Variants in GABRA2 observed in about 807,000 individuals in gnomAD.
The protein encoded by GABRA2 is gamma-aminobutyric acid receptor subunit alpha-2.
In GABRA2, 16 loss-of-function variants were observed where a neutral mutation model predicts 48.7. The observed-to-expected ratio is 0.33, with a 90% CI of 0.22 to 0.50. GABRA2 has a LOEUF of 0.50. GABRA2 is among the 20% of genes least tolerant of loss of function. GABRA2 has a pLI of 0.98. For missense variants in GABRA2, 275 were observed against 535.6 expected (o/e 0.51, Z 4.80); for synonymous variants, 185 against 184.5 (o/e 1.00, Z -0.02).
chr4:46,291,776 C>CACACATATATATATAT (rs1553906974), intron 8 of GABRA2, among the ~76,000 whole-genome samples: 3 of 144,754 alleles, frequency 2.1e-5, no homozygotes, highest in African/African-American at 7.7e-5. Context: ...TAAACACACA[C>CACACATATATATATAT]ATATATATAT....
intron 4 of GABRA2, among the ~76,000 whole-genome samples, chr4:46,327,504 T>G (rs1220066833): frequency 6.6e-6 from 1 of 151,970 alleles, no homozygotes; most frequent in Non-Finnish European, 1.5e-5. Flanking sequence ...GGAGTAAACA[T>G]CATTAATTTA....
intron 3 of GABRA2, among the ~76,000 whole-genome samples, chr4:46,377,857 TG>T (rs1276691023): frequency 4.5e-5 from 4 of 89,438 alleles, no homozygotes; most frequent in South Asian, 4.0e-4. Flanking sequence ...GGGAGGGAGG[TG>T]GGGGGGTCAG....
intron 8 of GABRA2, among the ~76,000 whole-genome samples, chr4:46,283,641 C>T (rs193218370): frequency 6.1e-4 from 93 of 152,276 alleles, no homozygotes; most frequent in African/African-American, 2.2e-3. Flanking sequence ...AAAGAAGTAG[C>T]TAATGTCTTC....
intron 3 of GABRA2, among the ~76,000 whole-genome samples, chr4:46,359,573 C>G (rs1360771902): frequency 3.3e-5 from 5 of 151,980 alleles, no homozygotes; most frequent in Non-Finnish European, 7.4e-5. Context: ...GTTCAGTACT[C>G]TATATGTTTT....
chr4:46,298,899 T>C (rs1377667116), intron 8 of GABRA2, among the ~76,000 whole-genome samples: 1 of 151,806 alleles, frequency 6.6e-6, no homozygotes, highest in Non-Finnish European at 1.5e-5. Flanking sequence ...TCTATAAAAT[T>C]CTAGTATAAT....
chr4:46,315,808 C>A (rs537876348), intron 4 of GABRA2, among the ~76,000 whole-genome samples: 1 of 151,958 alleles, frequency 6.6e-6, no homozygotes, highest in East Asian at 1.9e-4. Context: ...GAAATGTCAT[C>A]ACAAATCTTA....
chr4:46,316,371 T>C (rs1393409454), intron 4 of GABRA2, among the ~76,000 whole-genome samples: 2 of 152,004 alleles, frequency 1.3e-5, no homozygotes, highest in East Asian at 3.9e-4. Context: ...GCCACTGCAA[T>C]GTGAAAGCAA....
rs58531685 is a variant in GABRA2, at chr4:46,334,866, G to A, written c.188-2184C>T. ...GATATTGTCCTGCTATGGAAGTTCC[G>A]AAAAAGGAAAATCAGCAAGCCAAAC... On this transcript the variant is annotated intron_variant, in intron 3 of 9. Transcript: ENST00000381620. Among the ~76,000 whole-genome samples, 22 of 152,182 alleles carry A rather than the reference G, an allele frequency of 1.4e-4. No homozygotes were observed. In the East Asian group the frequency reaches 1.9e-3, roughly 13 times the overall value.
At chr4:46,343,369 G>T (rs1200302867) in intron 3 of GABRA2, among the ~76,000 whole-genome samples, 1 of 151,888 alleles carries the variant, frequency 6.6e-6, no homozygotes, top group Non-Finnish European at 1.5e-5. Context: ...ACTCAATTTG[G>T]GGTAGAGGAA....
intron 8 of GABRA2, among the ~76,000 whole-genome samples, chr4:46,281,195 G>A (rs1407413205): frequency 6.6e-6 from 1 of 152,184 alleles, no homozygotes; most frequent in Non-Finnish European, 1.5e-5. Flanking sequence ...GTTTTGTGCA[G>A]ATTGAGTTTG....
chr4:46,259,570 C>A lies in GABRA2; in HGVS notation c.1059+2356G>T, dbSNP rs117071659. Among the ~76,000 whole-genome samples, 127 of 151,934 alleles carry A rather than the reference C, an allele frequency of 8.4e-4. 2 individuals are homozygous for A. In the East Asian group the frequency reaches 0.023, roughly 27 times the overall value. ...ATGTAAACAGGTTAAAGACATATGT[C>A]TTTTTCTTAAAACATACAATATCAA... On this transcript the variant is annotated intron_variant, in intron 9 of 9. Coordinates refer to ENST00000381620, the MANE Select transcript of GABRA2 (RefSeq NM_000807.4).
At chr4:46,348,076 A>C (rs980135601) in intron 3 of GABRA2, among the ~76,000 whole-genome samples, 3 of 152,140 alleles carry the variant, frequency 2.0e-5, no homozygotes, top group Non-Finnish European at 4.4e-5. Context: ...ACAAATTTAC[A>C]AGAAAAAAAC....
chr4:46,254,948 G>T (rs1346045676), intron 9 of GABRA2, among the ~76,000 whole-genome samples: 1 of 151,444 alleles, frequency 6.6e-6, no homozygotes, highest in East Asian at 2.0e-4. Flanking sequence ...ATTGTCCCCT[G>T]GTTACCTCCT....
At chr4:46,389,229 T>G in intron 1 of GABRA2, 1 of 986,512 alleles carries the variant, frequency 1.0e-6, no homozygotes, top group South Asian at 4.7e-5. Context: ...TTACTCTACA[T>G]TACAGTGAAC....
intron 3 of GABRA2, among the ~76,000 whole-genome samples, chr4:46,376,208 A>T (rs1578214927): frequency 6.6e-6 from 1 of 152,252 alleles, no homozygotes; most frequent in African/African-American, 2.4e-5. Context: ...TTCCATGTTA[A>T]CACATTGAAA....
chr4:46,334,983 T>C (rs1195792133), intron 3 of GABRA2, among the ~76,000 whole-genome samples: 1 of 152,134 alleles, frequency 6.6e-6, no homozygotes, highest in African/African-American at 2.4e-5. Context: ...TCAATATGGA[T>C]GGATGCACAG....
At chr4:46,276,437 G>T (rs1173632295) in intron 8 of GABRA2, among the ~76,000 whole-genome samples, 2 of 152,012 alleles carry the variant, frequency 1.3e-5, no homozygotes, top group Admixed American at 6.6e-5. Context: ...CTACTACAGG[G>T]CAAAGAATCT....
intron 8 of GABRA2, among the ~76,000 whole-genome samples, chr4:46,283,959 C>T (rs1722030485): frequency 6.6e-6 from 1 of 151,682 alleles, no homozygotes; most frequent in African/African-American, 2.4e-5. Flanking sequence ...AGGGGTTTCA[C>T]CGTGTTAGCC....
chr4:46,244,870 TAC>T lies in GABRA2; in HGVS notation c.*5436_*5437del, dbSNP rs1713422592. Among the ~76,000 whole-genome samples the T allele has an allele frequency of 6.6e-6, 1 of 151,340 alleles. No individual in the cohort carries two copies. Among genetic ancestry groups the T allele is most frequent in the South Asian group, 2.1e-4 (1 of 4,830 alleles). ...AAAACGGGTATTGCTTACTGTACAG[TAC>T]AGTTTTATTGTTGAGTGTTTGCTTT... On this transcript the variant is annotated 3_prime_UTR_variant, in exon 10 of 10. Coordinates refer to ENST00000381620, the MANE Select transcript of GABRA2 (RefSeq NM_000807.4).
Sources: gnomAD v4.1 joint callset for allele counts (sites outside exome capture counted in the v4.1 genomes callset) on GRCh38, gnomAD v4.1.1 for gene constraint, MANE v1.5 for transcripts, NCBI Gene and HGNC (gene_info 2026-07-23, HGNC 2026-07-21) for gene names.